The following PELI1 variants were observed in gnomAD, a reference collection of about 807,000 sequenced individuals.
PELI1 encodes the protein pellino E3 ubiquitin protein ligase 1, also known as E3 ubiquitin-protein ligase pellino homolog 1.
PELI1 carries 15 observed loss-of-function variants against 41.3 expected under a neutral mutation model. The observed-to-expected ratio is 0.36, with a 90% CI of 0.24 to 0.56. The LOEUF (loss-of-function observed/expected upper bound fraction) is 0.56. Among genes scored for constraint, PELI1 ranks in the 20% least tolerant of loss-of-function variants. The pLI, the probability that PELI1 is intolerant of heterozygous loss-of-function variation, is 0.82. For synonymous variants in PELI1, 178 were observed against 180.1 expected, an observed-to-expected ratio of 0.99 and a Z score of 0.09; for missense variants, 403 against 525.5, an observed-to-expected ratio of 0.77 and a Z score of 2.28.
chr2:64,129,018 G>A (rs954981416), intron 1 of PELI1, among the ~76,000 whole-genome samples: 1 of 152,074 alleles, frequency 6.6e-6, no homozygotes, highest in African/African-American at 2.4e-5. Flanking sequence ...TGTTTACTGA[G>A]CCAACTATCT....
At chr2:64,110,265 A>G (rs1016445225) in intron 1 of PELI1, among the ~76,000 whole-genome samples, 9 of 147,668 alleles carry the variant, frequency 6.1e-5, no homozygotes, top group African/African-American at 7.7e-5. Flanking sequence ...AAAAAAAAAA[A>G]AAAGAAAAAA....
At chr2:64,113,472 A>T (rs1015197043) in intron 1 of PELI1, among the ~76,000 whole-genome samples, 13 of 152,194 alleles carry the variant, frequency 8.5e-5, no homozygotes, top group African/African-American at 3.1e-4. Context: ...AAGAACATGA[A>T]ATAGCACCAT....
chr2:64,118,563 C>G (rs1681096812), intron 1 of PELI1, among the ~76,000 whole-genome samples: 1 of 152,060 alleles, frequency 6.6e-6, no homozygotes, highest in Admixed American at 6.5e-5. Context: ...GGGAAACTAA[C>G]AAGTATTCAT....
chr2:64,104,653 T>TTCAAA, intron 3 of PELI1, 48 bp downstream of exon 3: 1 of 1,529,640 alleles, frequency 6.5e-7, no homozygotes, highest in Non-Finnish European at 8.7e-7. Flanking sequence ...ATAAAAGTCT[T>TTCAAA]TCAAATTCTC....
chr2:64,107,829 C>A (rs886989288), intron 2 of PELI1, among the ~76,000 whole-genome samples: 1 of 152,084 alleles, frequency 6.6e-6, no homozygotes, highest in Non-Finnish European at 1.5e-5. Context: ...AGGCATGCCT[C>A]ATCACGCCCG....
chr2:64,116,912 C>T (rs1254408723), intron 1 of PELI1, among the ~76,000 whole-genome samples: 1 of 152,086 alleles, frequency 6.6e-6, no homozygotes, highest in Non-Finnish European at 1.5e-5. Context: ...AAACTTTTTT[C>T]ATTATTATTA....
chr2:64,107,835 G>A (rs1308568574), intron 2 of PELI1, among the ~76,000 whole-genome samples: 3 of 151,966 alleles, frequency 2.0e-5, no homozygotes, highest in African/African-American at 4.8e-5. Flanking sequence ...GCCTCATCAC[G>A]CCCGGCTAAT....
Position 64,096,607 on chromosome 2 carries a change from C to A in PELI1, c.307G>T (p.Gly103Cys). The change falls in exon 5 of 7, where the codon GGC (glycine) becomes TGC (cysteine). Residue 103 changes from glycine to cysteine, a missense_variant. Coordinates refer to ENST00000358912, the MANE Select transcript of PELI1 (RefSeq NM_020651.4). ...HDSNTDMFQI[G>C]RSTESPIDFV... Reference sequence around the variant, plus strand: ...TCAATGGGGCTTTCAGTCGACCGGCCAATCTGAGGGAAAAAAAAAAATACC... The same window carrying A: ...TCAATGGGGCTTTCAGTCGACCGGCAAATCTGAGGGAAAAAAAAAAATACC... 1.2e-6 allele frequency: 2 copies of A among 1,601,160 alleles called. No individual in the cohort carries two copies. Among genetic ancestry groups the A allele is most frequent in the Non-Finnish European group, 1.7e-6 (2 of 1,172,148 alleles).
At chr2:64,119,623 C>T (rs907705726) in intron 1 of PELI1, among the ~76,000 whole-genome samples, 3 of 152,174 alleles carry the variant, frequency 2.0e-5, no homozygotes, top group Non-Finnish European at 4.4e-5. Context: ...ACTTCTCCCT[C>T]ACCTCCTCCC....
chr2:64,100,553 A>C, intron 3 of PELI1, 54 bp from the exon 4 acceptor site: 1 of 843,082 alleles, frequency 1.2e-6, no homozygotes. Context: ...ATCCAATCAG[A>C]TAATCTTTTC....
intron 1 of PELI1, among the ~76,000 whole-genome samples, chr2:64,137,042 C>G (rs2103744892): frequency 6.6e-6 from 1 of 152,306 alleles, no homozygotes; most frequent in Middle Eastern, 3.4e-3. Flanking sequence ...GTTGGAAAAA[C>G]TGTACCTCTA....
Position 64,104,688 on chromosome 2 carries a change from T to TC in PELI1, c.201+12_201+13insG. 1 of 1,555,942 alleles carries TC rather than the reference T, an allele frequency of 6.4e-7. No homozygotes were observed. The highest frequency in any genetic ancestry group is 8.6e-7 in the Non-Finnish European group (1 of 1,160,446). On this transcript the variant is annotated intron_variant, in intron 3 of 6. Coordinates refer to ENST00000358912, the MANE Select transcript of PELI1 (RefSeq NM_020651.4). Reference sequence around the variant, plus strand: ...CCAAGTTAATTTATGTAGCTTTTTTTTTTTTTTTTTACCTTTGCAGCCTGA... The same window carrying TC: ...CCAAGTTAATTTATGTAGCTTTTTTTCTTTTTTTTTTACCTTTGCAGCCTGA...
At chr2:64,128,562 T>C (rs987966904) in intron 1 of PELI1, among the ~76,000 whole-genome samples, 1 of 152,164 alleles carries the variant, frequency 6.6e-6, no homozygotes, top group Non-Finnish European at 1.5e-5. Flanking sequence ...CCTAAAATTT[T>C]ACATTTCTAA....
At chr2:64,126,799 A>G (rs1422497478) in intron 1 of PELI1, among the ~76,000 whole-genome samples, 1 of 152,084 alleles carries the variant, frequency 6.6e-6, no homozygotes, top group Non-Finnish European at 1.5e-5. Context: ...CCGGACTTTG[A>G]TAAGTGAAAA....
At chr2:64,126,108 T>A (rs1681374640) in intron 1 of PELI1, among the ~76,000 whole-genome samples, 1 of 152,240 alleles carries the variant, frequency 6.6e-6, no homozygotes, top group African/African-American at 2.4e-5. Flanking sequence ...CATTGTGAGC[T>A]TTCTTTGCAG....
chr2:64,126,872 G>A (rs1470783863), intron 1 of PELI1, among the ~76,000 whole-genome samples: 1 of 152,092 alleles, frequency 6.6e-6, no homozygotes, highest in Non-Finnish European at 1.5e-5. Context: ...GGGGTAAAAA[G>A]TATATTGTGT....
At chr2:64,139,079 G>T (rs961833667) in intron 1 of PELI1, among the ~76,000 whole-genome samples, 3 of 152,012 alleles carry the variant, frequency 2.0e-5, no homozygotes, top group African/African-American at 7.2e-5. Context: ...TCTCACACCT[G>T]AAAAAATGGA....
At chr2:64,138,069 C>T (rs960907358) in intron 1 of PELI1, among the ~76,000 whole-genome samples, 7 of 152,078 alleles carry the variant, frequency 4.6e-5, no homozygotes, top group Non-Finnish European at 1.0e-4. Flanking sequence ...TATGTACTCA[C>T]GCTCACCCTG....
chr2:64,134,058 C>A (rs1044714723), intron 1 of PELI1, among the ~76,000 whole-genome samples: 2 of 151,974 alleles, frequency 1.3e-5, no homozygotes, highest in African/African-American at 4.8e-5. Flanking sequence ...TATGAAGGAG[C>A]CTTCAATTTA....
Sources: allele counts gnomAD v4.1 joint callset (sites outside exome capture counted in the v4.1 genomes callset), GRCh38; gene constraint gnomAD v4.1.1; transcripts MANE v1.5; gene names NCBI Gene and HGNC (gene_info 2026-07-23, HGNC 2026-07-21).